The following CNR2 variants were observed in gnomAD, a reference collection of about 807,000 sequenced individuals.
CNR2 encodes cannabinoid receptor 2, also known as cannabinoid receptor 2 (macrophage).
For missense variants in CNR2, 379 were observed against 439.9 expected, an observed-to-expected ratio of 0.86 and a Z score of 1.24; for synonymous variants, 172 against 182.2, an observed-to-expected ratio of 0.94 and a Z score of 0.45.
At chr1:23,904,441 T>G (rs1209758933) in intron 1 of CNR2, among the ~76,000 whole-genome samples, 2 of 152,156 alleles carry the variant, frequency 1.3e-5, no homozygotes, top group Non-Finnish European at 2.9e-5. Flanking sequence ...TTCCAAGTGC[T>G]GGGATTACAA....
At chr1:23,879,960 T>C (rs1444089906) in intron 1 of CNR2, among the ~76,000 whole-genome samples, 2 of 152,214 alleles carry the variant, frequency 1.3e-5, no homozygotes, top group Non-Finnish European at 2.9e-5. Flanking sequence ...CCTTCTACCA[T>C]GATTCCCTTG....
chr1:23,901,463 C>A, intron 1 of CNR2: 4 of 1,539,564 alleles, frequency 2.6e-6, no homozygotes, highest in Non-Finnish European at 3.5e-6. Flanking sequence ...GCAGCCTCCC[C>A]GGGCACCTCA....
intron 1 of CNR2, among the ~76,000 whole-genome samples, chr1:23,891,890 C>T (rs1640199076): frequency 1.3e-5 from 2 of 152,110 alleles, no homozygotes. Flanking sequence ...ATGGTATCCC[C>T]ACAGTAGACT....
chr1:23,906,141 G>C (rs1374944361), intron 1 of CNR2, among the ~76,000 whole-genome samples: 1 of 151,974 alleles, frequency 6.6e-6, no homozygotes, highest in Non-Finnish European at 1.5e-5. Context: ...CTCCCACTCT[G>C]ATGTTTTTTG....
At chr1:23,908,598 A>G (rs1212503299) in intron 1 of CNR2, among the ~76,000 whole-genome samples, 1 of 152,204 alleles carries the variant, frequency 6.6e-6, no homozygotes, top group Non-Finnish European at 1.5e-5. Flanking sequence ...AGTAGTGGGA[A>G]GACAGACTTG....
chr1:23,881,973 G>A (rs1211088088), intron 1 of CNR2, among the ~76,000 whole-genome samples: 1 of 151,342 alleles, frequency 6.6e-6, no homozygotes, highest in Non-Finnish European at 1.5e-5. Context: ...CCAGGCTGGA[G>A]TGCAGTGGAG....
chr1:23,876,834 C>CAAAAAA (rs72220399), intron 1 of CNR2, among the ~76,000 whole-genome samples: 1 of 120,260 alleles, frequency 8.3e-6, no homozygotes. Flanking sequence ...GACTCTGTCT[C>CAAAAAA]AAAAAAAAAA....
At chr1:23,881,077 A>C (rs949259848) in intron 1 of CNR2, among the ~76,000 whole-genome samples, 30 of 150,856 alleles carry the variant, frequency 2.0e-4, no homozygotes, top group Non-Finnish European at 3.2e-4. Flanking sequence ...AGAGTTAGAG[A>C]CCAGCCTGGC....
chr1:23,910,056 C>T (rs996522265), intron 1 of CNR2, among the ~76,000 whole-genome samples: 1 of 151,722 alleles, frequency 6.6e-6, no homozygotes, highest in Non-Finnish European at 1.5e-5. Context: ...TTAAACAATC[C>T]TTCCACCTCA....
At chr1:23,897,122 G>T (rs1044571924) in intron 1 of CNR2, among the ~76,000 whole-genome samples, 1 of 151,962 alleles carries the variant, frequency 6.6e-6, no homozygotes. Flanking sequence ...TGATCCACCC[G>T]CCTCAGCCTC....
At chr1:23,896,157 C>A (rs564558862) in intron 1 of CNR2, among the ~76,000 whole-genome samples, 1 of 152,180 alleles carries the variant, frequency 6.6e-6, no homozygotes, top group African/African-American at 2.4e-5. Context: ...CATGAGCCAC[C>A]ACACCCTGCC....
chr1:23,910,654 CAAAAAAAAAAAAA>C (rs34083515), intron 1 of CNR2, among the ~76,000 whole-genome samples: 1 of 32,198 alleles, frequency 3.1e-5, no homozygotes. Context: ...AACGCTGTCT[CAAAAAAAAAAAAA>C]AAAAAAAAAA....
chr1:23,908,782 C>T (rs1039946118), intron 1 of CNR2, among the ~76,000 whole-genome samples: 2 of 152,108 alleles, frequency 1.3e-5, no homozygotes, highest in African/African-American at 2.4e-5. Flanking sequence ...TTTTCCAGGA[C>T]CCAAACAGAC....
chr1:23,900,402 G>A (rs1450600080), intron 1 of CNR2, among the ~76,000 whole-genome samples: 3 of 151,954 alleles, frequency 2.0e-5, no homozygotes, highest in African/African-American at 4.8e-5. Flanking sequence ...TTGATGAATC[G>A]GCTCTGTCTA....
chr1:23,891,611 C>T (rs1452065800), intron 1 of CNR2, among the ~76,000 whole-genome samples: 4 of 81,040 alleles, frequency 4.9e-5, no homozygotes, highest in Non-Finnish European at 6.8e-5. Context: ...AAGAGCAAAA[C>T]TCCATCTCAA....
chr1:23,886,835 A>G (rs1640100662), intron 1 of CNR2, among the ~76,000 whole-genome samples: 1 of 152,372 alleles, frequency 6.6e-6, no homozygotes, highest in African/African-American at 2.4e-5. Context: ...CTCCAGTGCA[A>G]TAGGCATAGA....
Position 23,879,735 on chromosome 1 carries a change from T to C in CNR2, c.-45-4073A>G, listed in dbSNP as rs550098689. ...GTAAAGACATTGATTAATTTTAGGC[T>C]TAAAAAAAAAACCAGGCATCATCTC... On this transcript the variant is annotated intron_variant, in intron 1 of 1. Transcript: ENST00000374472. 5.3e-5 allele frequency among the ~76,000 whole-genome samples: 8 copies of C among 152,176 alleles called. No individual in the cohort carries two copies. In the South Asian group the frequency reaches 1.7e-3, roughly 32 times the overall value.
chr1:23,874,618 T>G lies in CNR2; in HGVS notation c.1000A>C (p.Arg334=), dbSNP rs1639832041. The G allele has an allele frequency of 1.9e-6, 3 of 1,614,152 alleles. No individual in the cohort carries two copies. Among genetic ancestry groups the G allele is most frequent in the Non-Finnish European group, 2.5e-6 (3 of 1,180,022 alleles). The change falls in exon 2 of 2, where the codon AGA becomes CGA. Residue 334 remains arginine (R), a synonymous_variant. Coordinates refer to ENST00000374472, the MANE Select transcript of CNR2 (RefSeq NM_001841.3). ...GCCTCTGTCTCGGTGACTGAGGATC[T>G]CGGGGCTTCTTCTTTTGCCTCTGAC... ...LGSEAKEEAP[R]SSVTETEADG...
intron 1 of CNR2, among the ~76,000 whole-genome samples, chr1:23,883,049 C>T (rs1218169792): frequency 6.6e-6 from 1 of 151,934 alleles, no homozygotes; most frequent in African/African-American, 2.4e-5. Context: ...TGACCACAGG[C>T]AAGATTACTA....
Sources: allele counts gnomAD v4.1 joint callset (sites outside exome capture counted in the v4.1 genomes callset), GRCh38; gene constraint gnomAD v4.1.1; transcripts MANE v1.5; gene names NCBI Gene and HGNC (gene_info 2026-07-23, HGNC 2026-07-21).